The following PHF21A variants were observed in gnomAD, a reference collection of about 807,000 sequenced individuals.
The protein encoded by PHF21A is BHC80a.
PHF21A carries 11 observed loss-of-function variants against 82.5 expected under a neutral mutation model. The ratio of observed to expected loss-of-function variants is 0.13; its 90% confidence interval spans 0.08 to 0.22. PHF21A has a LOEUF of 0.22. Among genes scored for constraint, PHF21A ranks in the 10% least tolerant of loss-of-function variants. The pLI is 1.00. For synonymous variants in PHF21A, 297 were observed against 302.8 expected (o/e 0.98, Z 0.20); for missense variants, 579 against 837.8 (o/e 0.69, Z 3.81).
chr11:45,993,107 C>T (rs967061108), intron 6 of PHF21A, among the ~76,000 whole-genome samples: 1 of 152,142 alleles, frequency 6.6e-6, no homozygotes, highest in African/African-American at 2.4e-5. Flanking sequence ...GTTCTCATTT[C>T]TGAGTACTCT....
intron 15 of PHF21A, among the ~76,000 whole-genome samples, chr11:45,939,771 CAAAAAAA>C (rs56931455): frequency 2.6e-4 from 16 of 60,382 alleles, no homozygotes; most frequent in African/African-American, 6.6e-4. Flanking sequence ...GAACATAGCC[CAAAAAAA>C]AAAAAAAAAA....
chr11:45,964,198 CAAA>C (rs1469788394), intron 10 of PHF21A, among the ~76,000 whole-genome samples: 4 of 7,404 alleles, frequency 5.4e-4, no homozygotes, highest in Non-Finnish European at 9.4e-4. Flanking sequence ...AACTCCATCT[CAAA>C]ATAATAATAA....
chr11:46,095,692 ATACCTTTTG>A (rs1286950490), intron 1 of PHF21A, among the ~76,000 whole-genome samples: 3 of 152,124 alleles, frequency 2.0e-5, no homozygotes, highest in African/African-American at 7.2e-5. Flanking sequence ...AATTATTTAA[ATACCTTTTG>A]TAAAATATCT....
At chr11:45,983,688 T>A (rs953429310) in intron 6 of PHF21A, among the ~76,000 whole-genome samples, 1 of 152,188 alleles carries the variant, frequency 6.6e-6, no homozygotes, top group African/African-American at 2.4e-5. Flanking sequence ...GCATATTAGC[T>A]GGCTTTTCTA....
At chr11:46,057,673 G>A (rs922863155) in intron 6 of PHF21A, among the ~76,000 whole-genome samples, 7 of 152,126 alleles carry the variant, frequency 4.6e-5, no homozygotes, top group African/African-American at 1.7e-4. Flanking sequence ...TCTCACAAGT[G>A]CAAAAGGTAC....
At chr11:45,963,010 G>A (rs545300363) in intron 10 of PHF21A, among the ~76,000 whole-genome samples, 2 of 152,174 alleles carry the variant, frequency 1.3e-5, no homozygotes, top group East Asian at 3.9e-4. Context: ...CTATCAACGT[G>A]AAGGCCACGA....
At chr11:46,084,643 C>T (rs903764426) in intron 3 of PHF21A, among the ~76,000 whole-genome samples, 7 of 151,910 alleles carry the variant, frequency 4.6e-5, no homozygotes, top group African/African-American at 1.7e-4. Context: ...CCAGGACACA[C>T]TGTCCTCAGA....
chr11:46,118,219 A>C (rs996552770), intron 1 of PHF21A: 1 of 152,192 alleles, frequency 6.6e-6, no homozygotes, highest in Non-Finnish European at 1.5e-5. Flanking sequence ...TGTCTTTTTC[A>C]TCTATTACTA....
In PHF21A at chr11:45,932,722, T is replaced by A. The variant is rs150871012; in HGVS notation, c.*1246A>T. The A allele has an allele frequency of 6.6e-6, 1 of 152,366 alleles. No homozygotes were observed. The highest frequency in any genetic ancestry group is 1.5e-5 in the Non-Finnish European group (1 of 67,988). The allele number at this position is 152,366 out of a possible 1,614,324, so 9.4% of individuals were successfully genotyped here. A position where few individuals can be genotyped will look rare whatever the true frequency, so the allele number is the denominator to read the frequency against. On this transcript the variant is annotated 3_prime_UTR_variant, in exon 19 of 19. Transcript: ENST00000676320. The surrounding 1 kb of genome is among the most constrained non-coding windows in gnomAD (Gnocchi z 4.3). ...TTTTCCTTTTTAATTTAAAAAAAAG[T>A]TTTTTTTCCCCAGATACAAAGATTT...
intron 6 of PHF21A, among the ~76,000 whole-genome samples, chr11:46,027,877 CT>C (rs1352101651): frequency 6.6e-6 from 1 of 152,142 alleles, no homozygotes; most frequent in Admixed American, 6.5e-5. Flanking sequence ...ATAGAAAATT[CT>C]TATTTGAACA....
chr11:46,083,184 T>G lies in PHF21A; in HGVS notation c.54+982A>C, dbSNP rs546635273. 1.5e-3 allele frequency among the ~76,000 whole-genome samples: 218 copies of G among 150,304 alleles called. 1 individual carries two copies. Among genetic ancestry groups the G allele is most frequent in the African/African-American group, 5.1e-3 (208 of 40,986 alleles). ...AAGCAAAGTTAAAAAAAAAAAAAAG[T>G]ACACAGCTTATTACCTACTTAAAGA... is the stretch of plus-strand genomic sequence containing the variant. On this transcript the variant is annotated intron_variant, in intron 4 of 18. Transcript: ENST00000676320.
chr11:46,118,174 T>C (rs908434839), intron 1 of PHF21A: 9 of 152,176 alleles, frequency 5.9e-5, no homozygotes, highest in African/African-American at 2.2e-4. Flanking sequence ...ATCCATCACT[T>C]ATACCTTCTA....
rs191668664 is a variant in PHF21A at position 46,051,441 on chromosome 11, T to C, written c.153+25313A>G. Among the ~76,000 whole-genome samples, 52 of 152,254 alleles carry C rather than the reference T, an allele frequency of 3.4e-4. 1 individual carries two copies. The highest frequency in any genetic ancestry group is 1.2e-3 in the African/African-American group (51 of 41,556). On this transcript the variant is annotated intron_variant, in intron 6 of 18. Transcript: ENST00000676320. ...ACCTCCCACCTCCATTCTCATACCA[T>C]CTTGGGCACAAAAGAGTTTACTAGG...
chr11:46,093,135 C>T (rs555754068), intron 1 of PHF21A, among the ~76,000 whole-genome samples: 1 of 152,162 alleles, frequency 6.6e-6, no homozygotes, highest in East Asian at 1.9e-4. Flanking sequence ...AGTGATGAAG[C>T]CAGAAAGAAA....
chr11:46,052,541 T>C (rs1362815995), intron 6 of PHF21A, among the ~76,000 whole-genome samples: 1 of 150,664 alleles, frequency 6.6e-6, no homozygotes, highest in Non-Finnish European at 1.5e-5. Context: ...AAAAAAACCA[T>C]GTTTACTTTA....
intron 6 of PHF21A, among the ~76,000 whole-genome samples, chr11:46,035,152 T>C (rs2095968455): frequency 6.6e-6 from 1 of 152,226 alleles, no homozygotes; most frequent in African/African-American, 2.4e-5. Flanking sequence ...TGGCTTCAGC[T>C]AGTTTGAGCT....
At position 45,955,567 on chromosome 11, in the gene PHF21A, G is replaced by A. The variant is rs552504141; in HGVS notation, c.997-1942C>T. Among the ~76,000 whole-genome samples, 7 of 152,222 alleles carry A rather than the reference G, an allele frequency of 4.6e-5. No homozygotes were observed. The East Asian group carries it at 7.7e-4, about 17-fold the overall frequency. Reference sequence around the variant, plus strand: ...GCTGAGTAAAGCAATTAGCAGCAGTGCTTTTAAGGAAGGGCAAATCAATTC... The same window carrying A: ...GCTGAGTAAAGCAATTAGCAGCAGTACTTTTAAGGAAGGGCAAATCAATTC... On this transcript the variant is annotated intron_variant, in intron 10 of 18. Coordinates refer to ENST00000676320, the MANE Select transcript of PHF21A (RefSeq NM_001352027.3).
chr11:46,051,766 G>C (rs907410709), intron 6 of PHF21A, among the ~76,000 whole-genome samples: 34 of 152,166 alleles, frequency 2.2e-4, no homozygotes, highest in Non-Finnish European at 4.4e-5. Flanking sequence ...CAAAGGATTG[G>C]ATGAAGGAAT....
At chr11:45,985,013 C>T (rs1397650675) in intron 6 of PHF21A, among the ~76,000 whole-genome samples, 1 of 152,148 alleles carries the variant, frequency 6.6e-6, no homozygotes, top group Non-Finnish European at 1.5e-5. Context: ...TTCACAAATG[C>T]AGAAAGGTAT....
Sources: gnomAD v4.1 joint callset for allele counts (sites outside exome capture counted in the v4.1 genomes callset) on GRCh38, gnomAD v4.1.1 for gene constraint, Gnocchi (gnomAD v3.1) non-coding constraint, MANE v1.5 for transcripts, NCBI Gene and HGNC (gene_info 2026-07-23, HGNC 2026-07-21) for gene names.